SNTB2: variants seen among roughly 807,000 people sequenced by gnomAD.
SNTB2 encodes the protein syntrophin beta 2.
SNTB2 carries 34 observed loss-of-function variants against 46.2 expected under a neutral mutation model. That is an observed-to-expected ratio of 0.74 (90% CI 0.56 to 0.98). SNTB2 has a LOEUF of 0.98. Ranked by LOEUF, SNTB2 falls within the 50% of genes least tolerant of loss-of-function variation. The probability of loss-of-function intolerance (pLI) is 0.00; values close to 1 mark genes in which losing one functional copy is unlikely to be tolerated. For synonymous variants in SNTB2, 290 were observed against 312.6 expected, an observed-to-expected ratio of 0.93 and a Z score of 0.76; for missense variants, 603 against 731.4, an observed-to-expected ratio of 0.82 and a Z score of 2.02.
chr16:69,304,088 T>C lies in SNTB2; in HGVS notation c.*3164T>C, dbSNP rs989075393. On this transcript the variant is annotated 3_prime_UTR_variant, in exon 7 of 7. Coordinates refer to ENST00000336278, the MANE Select transcript of SNTB2 (RefSeq NM_006750.4). ...ATGAAAAGTCTCCCACCTTTTCTCC[T>C]AAAACTTCTCTCCTTTCTCTCCATA... is the stretch of plus-strand genomic sequence containing the variant. The C allele has an allele frequency of 6.6e-6, 1 of 152,172 alleles. No homozygotes were observed. The highest frequency in any genetic ancestry group is 1.5e-5 in the Non-Finnish European group (1 of 68,030). The allele number at this position is 152,172 out of a possible 1,614,324, so 9.4% of individuals were successfully genotyped here.
intron 4 of SNTB2, among the ~76,000 whole-genome samples, chr16:69,274,671 G>T (rs1285249239): frequency 6.9e-6 from 1 of 145,118 alleles, no homozygotes; most frequent in Non-Finnish European, 1.5e-5. Context: ...AAAAAAAAAA[G>T]AGGAGCTCTT....
chr16:69,267,135 C>T (rs1344135266), intron 3 of SNTB2, among the ~76,000 whole-genome samples: 2 of 151,648 alleles, frequency 1.3e-5, no homozygotes, highest in African/African-American at 4.8e-5. Context: ...TCAAGCGATT[C>T]TCCTGCCTCA....
In SNTB2 at chr16:69,307,840, A is replaced by G. The variant is rs1965327342; in HGVS notation, c.*6916A>G. 1 of 152,188 alleles carries G rather than the reference A, an allele frequency of 6.6e-6. No individual in the cohort carries two copies. Among genetic ancestry groups the G allele is most frequent in the African/African-American group, 2.4e-5 (1 of 41,452 alleles). The allele number at this position is 152,188 out of a possible 1,614,324, so 9.4% of individuals were successfully genotyped here. A position where few individuals can be genotyped will look rare whatever the true frequency, so the allele number is the denominator to read the frequency against. On this transcript the variant is annotated 3_prime_UTR_variant, in exon 7 of 7. Coordinates refer to ENST00000336278, the MANE Select transcript of SNTB2 (RefSeq NM_006750.4). Reference sequence around the variant, plus strand: ...CATTTAAAAAATAAAAATTAACAAAATTTCACTTATTCCAGGACACGCTGG... The same window carrying G: ...CATTTAAAAAATAAAAATTAACAAAGTTTCACTTATTCCAGGACACGCTGG...
intron 1 of SNTB2, among the ~76,000 whole-genome samples, chr16:69,229,759 T>G (rs939235316): frequency 2.8e-5 from 4 of 141,428 alleles, no homozygotes; most frequent in Non-Finnish European, 6.2e-5. Context: ...GGAGAATCAC[T>G]TGAACCCGGG....
In SNTB2 at chr16:69,235,709, TAAC is replaced by T. The variant is rs752267829; in HGVS notation, c.581-9888_581-9886del. The T allele has an allele frequency of 3.7e-5, 48 of 1,286,856 alleles. No homozygotes were observed. The South Asian group carries it at 6.0e-4, about 16-fold the overall frequency. 79.7% of individuals were successfully genotyped at this position (1,286,856 alleles called of 1,614,324 possible). On this transcript the variant is annotated intron_variant, in intron 1 of 6. Coordinates refer to ENST00000336278, the MANE Select transcript of SNTB2 (RefSeq NM_006750.4). ...CTTCAAACTGCTGTATCCCCAGGGC[TAAC>T]AACATAGTACCAGGAATTTTTTTCT...
intron 5 of SNTB2, among the ~76,000 whole-genome samples, chr16:69,288,667 A>G (rs552083080): frequency 2.6e-5 from 4 of 152,228 alleles, no homozygotes; most frequent in Non-Finnish European, 5.9e-5. Flanking sequence ...CTACTGTATG[A>G]TCTAGCAATC....
At chr16:69,243,267 T>C (rs1181546006) in intron 1 of SNTB2, among the ~76,000 whole-genome samples, 4 of 152,148 alleles carry the variant, frequency 2.6e-5, no homozygotes, top group Admixed American at 6.5e-5. Flanking sequence ...GGCCTTAACA[T>C]AGGACTGAAA....
At chr16:69,240,150 AATTAC>A (rs1269088245) in intron 1 of SNTB2, among the ~76,000 whole-genome samples, 1 of 152,198 alleles carries the variant, frequency 6.6e-6, no homozygotes, top group African/African-American at 2.4e-5. Flanking sequence ...TTAAATTATT[AATTAC>A]ATTATTATTT....
intron 1 of SNTB2, among the ~76,000 whole-genome samples, chr16:69,199,046 G>A (rs1357417670): frequency 6.6e-6 from 1 of 151,864 alleles, no homozygotes; most frequent in African/African-American, 2.4e-5. Flanking sequence ...ACAGGCGCAC[G>A]CCACCATGTC....
rs1965289957 is a variant in SNTB2 at position 69,303,128 on chromosome 16, A to T, written c.*2204A>T. 6.6e-6 allele frequency: 1 copy of T among 152,134 alleles called. No homozygotes were observed. Among genetic ancestry groups the T allele is most frequent in the Non-Finnish European group, 1.5e-5 (1 of 68,030 alleles). The allele number at this position is 152,134 out of a possible 1,614,324, so 9.4% of individuals were successfully genotyped here. ...GTGATCCACCTGCCTTGGCCTCCCA[A>T]AGTGCTGGGATTATAGGTGTGAGCC... On this transcript the variant is annotated 3_prime_UTR_variant, in exon 7 of 7. Transcript: ENST00000336278.
At chr16:69,284,288 C>T (rs763866783) in intron 5 of SNTB2, 44 bp downstream of exon 5, 2 of 1,507,188 alleles carry the variant, frequency 1.3e-6, no homozygotes, top group South Asian at 1.3e-5. Flanking sequence ...TTAAATAGAA[C>T]TGTTATATAG....
chr16:69,299,563 C>G, intron 5 of SNTB2, 27 bp from the exon 6 acceptor site: 1 of 1,605,382 alleles, frequency 6.2e-7, no homozygotes, highest in South Asian at 1.1e-5. Flanking sequence ...AACTTTACAA[C>G]TAATGTTTTT....
At position 69,257,463 on chromosome 16, in the gene SNTB2, T is replaced by C. The variant is rs543566416; in HGVS notation, c.795-2587T>C. Among the ~76,000 whole-genome samples the C allele has an allele frequency of 3.9e-3, 584 of 151,318 alleles. 5 individuals are homozygous for C. The highest frequency in any genetic ancestry group is 6.3e-3 in the Non-Finnish European group (428 of 67,918). On this transcript the variant is annotated intron_variant, in intron 2 of 6. Transcript: ENST00000336278. ...TTTATTTATTTATTTATTTATTTTC[T>C]TGAGACGGAGTCTTGCTCTGCTGCC...
chr16:69,293,783 G>A (rs1431068957), intron 5 of SNTB2, among the ~76,000 whole-genome samples: 2 of 152,182 alleles, frequency 1.3e-5, no homozygotes, highest in African/African-American at 2.4e-5. Flanking sequence ...CTAGGAAGGT[G>A]GAGGTAGATG....
In SNTB2 at chr16:69,301,004, T is replaced by A; in HGVS notation, c.*80T>A. 1 of 886,280 alleles carries A rather than the reference T, an allele frequency of 1.1e-6. No homozygotes were observed. The highest frequency in any genetic ancestry group is 1.8e-6 in the Non-Finnish European group (1 of 553,060). 54.9% of individuals were successfully genotyped at this position (886,280 alleles called of 1,614,324 possible). On this transcript the variant is annotated 3_prime_UTR_variant, in exon 7 of 7. Coordinates refer to ENST00000336278, the MANE Select transcript of SNTB2 (RefSeq NM_006750.4). ...AAAAAAAAAAAGCACAAAAAGAAAC[T>A]CTTTGCTCTCCTTCAGCACAGTGCC...
At chr16:69,283,049 A>G (rs971172659) in intron 4 of SNTB2, among the ~76,000 whole-genome samples, 2 of 152,108 alleles carry the variant, frequency 1.3e-5, no homozygotes, top group Admixed American at 1.3e-4. Flanking sequence ...GGCTCAAGCA[A>G]CCTTCTACCT....
intron 1 of SNTB2, among the ~76,000 whole-genome samples, chr16:69,197,137 T>C (rs763584049): frequency 1.3e-5 from 2 of 152,240 alleles, no homozygotes; most frequent in African/African-American, 2.4e-5. Context: ...GATTTTACTT[T>C]TAAGAAGTAC....
intron 1 of SNTB2, among the ~76,000 whole-genome samples, chr16:69,229,848 A>G (rs1485616546): frequency 4.8e-5 from 7 of 146,114 alleles, no homozygotes; most frequent in East Asian, 4.0e-4. Context: ...GTCTCAAAAA[A>G]AAAAAAAAAA....
At chr16:69,276,427 C>T (rs1234411245) in intron 4 of SNTB2, among the ~76,000 whole-genome samples, 1 of 152,192 alleles carries the variant, frequency 6.6e-6, no homozygotes, top group East Asian at 1.9e-4. Context: ...ATAATCAAAT[C>T]TGTAGGAAAA....
Sources: gnomAD v4.1 joint callset for allele counts (sites outside exome capture counted in the v4.1 genomes callset) on GRCh38, gnomAD v4.1.1 for gene constraint, MANE v1.5 for transcripts, NCBI Gene and HGNC (gene_info 2026-07-23, HGNC 2026-07-21) for gene names.